Variants in CFH observed in about 807,000 individuals in gnomAD.
The protein encoded by CFH is complement factor H, also known as H factor 1 (complement).
CFH carries 53 observed loss-of-function variants against 147.3 expected under a neutral mutation model. The ratio of observed to expected loss-of-function variants is 0.36; its 90% confidence interval spans 0.29 to 0.45. The LOEUF (loss-of-function observed/expected upper bound fraction) is 0.45, where lower values mean the gene tolerates loss of function less well. Ranked by LOEUF, CFH falls within the 20% of genes least tolerant of loss-of-function variation. The pLI is 1.00. For missense variants in CFH, 1,380 were observed against 1,498.0 expected (o/e 0.92, Z 1.30); for synonymous variants, 536 against 489.4 (o/e 1.10, Z -1.26).
At chr1:196,742,266 C>T (rs1652834050) in intron 19 of CFH, among the ~76,000 whole-genome samples, 2 of 152,120 alleles carry the variant, frequency 1.3e-5, no homozygotes, top group African/African-American at 4.8e-5. Flanking sequence ...GTCCCAGCTA[C>T]TTGGGAGACT....
At chr1:196,740,817 A>T in intron 18 of CFH, 25 bp downstream of exon 18, 1 of 1,604,270 alleles carries the variant, frequency 6.2e-7, no homozygotes, top group South Asian at 1.1e-5. Context: ...ATTTTATTAT[A>T]TGTATGATAA....
chr1:196,674,037 G>C, intron 3 of CFH, 75 bp downstream of exon 3: 1 of 1,033,228 alleles, frequency 9.7e-7, no homozygotes. Flanking sequence ...ATATTTTTAA[G>C]GTTATTATAT....
intron 9 of CFH, chr1:196,701,588 T>C (rs1668450074): frequency 3.9e-6 from 2 of 516,318 alleles, no homozygotes; most frequent in Non-Finnish European, 7.0e-6. Context: ...CAGTGTATTG[T>C]TCTGTTGCTG....
rs34639660 is a variant in CFH at position 196,685,862 on chromosome 1, T to C, written c.964+625T>C. Among the ~76,000 whole-genome samples, 5 of 152,096 alleles carry C rather than the reference T, an allele frequency of 3.3e-5. No homozygotes were observed. The South Asian group carries it at 1.0e-3, about 31-fold the overall frequency. On this transcript the variant is annotated intron_variant, in intron 7 of 21. Coordinates refer to ENST00000367429, the MANE Select transcript of CFH (RefSeq NM_000186.4). ...GAGAATAGAGGAAGCCACAATACCA[T>C]GTATTAGTGTGTTCTCACACTACTA... is the stretch of plus-strand genomic sequence containing the variant.
At chr1:196,685,028 A>G in intron 6 of CFH, 36 bp from the exon 7 acceptor site, 1 of 1,457,944 alleles carries the variant, frequency 6.9e-7, no homozygotes. Context: ...ACGGATACTT[A>G]TTTCTGCATT....
At chr1:196,692,725 T>G (rs1160419027) in intron 9 of CFH, among the ~76,000 whole-genome samples, 1 of 150,466 alleles carries the variant, frequency 6.6e-6, no homozygotes, top group African/African-American at 2.4e-5. Flanking sequence ...TCTTTCTTTC[T>G]TTCTCTTTCC....
intron 6 of CFH, among the ~76,000 whole-genome samples, chr1:196,681,796 TTAA>T (rs1266764384): frequency 2.0e-5 from 3 of 151,838 alleles, no homozygotes; most frequent in Non-Finnish European, 4.4e-5. Context: ...GAAGTCTTTC[TTAA>T]TAAAAGAATT....
intron 6 of CFH, among the ~76,000 whole-genome samples, chr1:196,681,470 T>TCACACACACA (rs3043111): frequency 1.4e-5 from 2 of 148,046 alleles, no homozygotes; most frequent in African/African-American, 5.0e-5. Context: ...ACTAATTGAT[T>TCACACACACA]CACACACACA....
At chr1:196,713,943 G>C in intron 10 of CFH, 26 bp downstream of exon 10, 1 of 1,590,760 alleles carries the variant, frequency 6.3e-7, no homozygotes, top group East Asian at 2.2e-5. Flanking sequence ...TGTTTGTATT[G>C]ATTATCCAGA....
chr1:196,658,690 G>T (rs1249260217), intron 1 of CFH, among the ~76,000 whole-genome samples: 9 of 151,960 alleles, frequency 5.9e-5, no homozygotes, highest in Admixed American at 5.9e-4. Context: ...CTCCCAAAGT[G>T]CTGGGATTAC....
chr1:196,692,766 CTTT>C (rs1558163609), intron 9 of CFH, among the ~76,000 whole-genome samples: 1 of 32,692 alleles, frequency 3.1e-5, no homozygotes, highest in African/African-American at 1.7e-4. Flanking sequence ...TTCTTTCTTT[CTTT>C]CTTTCTTTCT....
At chr1:196,700,758 G>C in intron 9 of CFH, 1 of 944,860 alleles carries the variant, frequency 1.1e-6, no homozygotes, top group Non-Finnish European at 1.3e-6. Flanking sequence ...CTGACCCAGA[G>C]AGAAGCTCAA....
chr1:196,726,829 T>C lies in CFH; in HGVS notation c.2125T>C (p.Tyr709His). 8 of 1,613,772 alleles carry C rather than the reference T, an allele frequency of 5.0e-6. No individual in the cohort carries two copies. Among genetic ancestry groups the C allele is most frequent in the Non-Finnish European group, 6.8e-6 (8 of 1,179,788 alleles). Reference sequence around the variant, plus strand: ...CTGGGCCCAGCTTTCTTCCCCTCCTTATTACTATGGAGATTCAGTGGAATT... The same window carrying C: ...CTGGGCCCAGCTTTCTTCCCCTCCTCATTACTATGGAGATTCAGTGGAATT... ...HGWAQLSSPP[Y>H]YYGDSVEFNC... Residue 709 changes from tyrosine (Y) to histidine (H), a missense_variant, in exon 14 of 22, where the codon TAT (tyrosine) becomes CAT (histidine). Coordinates refer to ENST00000367429, the MANE Select transcript of CFH (RefSeq NM_000186.4).
chr1:196,692,388 T>C, intron 9 of CFH: 3 of 840,004 alleles, frequency 3.6e-6, no homozygotes, highest in Non-Finnish European at 4.3e-6. Context: ...TAATTGAGGC[T>C]AATAATATGC....
At chr1:196,741,695 G>A in intron 18 of CFH, 180 bp from the exon 19 acceptor site, 5 of 597,016 alleles carry the variant, frequency 8.4e-6, no homozygotes, top group Non-Finnish European at 1.5e-5. Flanking sequence ...ATTTTTAATA[G>A]ATTTAGAAGA....
At chr1:196,694,029 G>C (rs1668162112) in intron 9 of CFH, among the ~76,000 whole-genome samples, 1 of 150,982 alleles carries the variant, frequency 6.6e-6, no homozygotes, top group African/African-American at 2.4e-5. Context: ...GGATATATGT[G>C]CAGAACGTGC....
intron 20 of CFH, 45 bp downstream of exon 20, chr1:196,743,673 G>A: frequency 6.2e-7 from 1 of 1,611,682 alleles, no homozygotes; most frequent in Non-Finnish European, 8.5e-7. Context: ...AGTATAGCAG[G>A]GTTAAAATAT....
chr1:196,700,659 A>T (rs1668424285), intron 9 of CFH, among the ~76,000 whole-genome samples: 1 of 151,580 alleles, frequency 6.6e-6, no homozygotes, highest in Admixed American at 6.6e-5. Flanking sequence ...GTCTCAAAAA[A>T]AAAAAAAAAG....
rs569531837 is a variant in CFH at position 196,680,650 on chromosome 1, A to G, written c.790+857A>G. ...TGCTGCAATTAGTGAAACAAGGAAC[A>G]GTGTTACCACATATGGTCCAGAAAT... On this transcript the variant is annotated intron_variant, in intron 6 of 21. Transcript: ENST00000367429. 2.6e-5 allele frequency among the ~76,000 whole-genome samples: 4 copies of G among 151,990 alleles called. No individual in the cohort carries two copies. The South Asian group carries it at 8.3e-4, about 32-fold the overall frequency.
Sources: allele counts gnomAD v4.1 joint callset (sites outside exome capture counted in the v4.1 genomes callset), GRCh38; gene constraint gnomAD v4.1.1; transcripts MANE v1.5; gene names NCBI Gene and HGNC (gene_info 2026-07-23, HGNC 2026-07-21).